The following LCORL variants were observed in gnomAD, a reference collection of about 807,000 sequenced individuals.
The protein encoded by LCORL is ligand-dependent nuclear receptor corepressor-like protein.
In LCORL, 41 loss-of-function variants were observed where a neutral mutation model predicts 141.8. The ratio of observed to expected loss-of-function variants is 0.29; its 90% CI spans 0.23 to 0.38. The LOEUF is 0.38. LCORL is among the 10% of genes least tolerant of loss of function. The pLI, the probability that LCORL is intolerant of heterozygous loss-of-function variation, is 1.00. For synonymous variants in LCORL, 618 were observed against 694.1 expected, an observed-to-expected ratio of 0.89 and a Z score of 1.72; for missense variants, 1,759 against 2,035.0, an observed-to-expected ratio of 0.86 and a Z score of 2.61.
At chr4:17,880,402 T>C in intron 6 of LCORL, 1 of 859,004 alleles carries the variant, frequency 1.2e-6, no homozygotes. Context: ...ATTTTTTTTG[T>C]AGATCCTTTG....
Position 17,842,299 on chromosome 4 carries a change from C to CTA in LCORL, c.*3587_*3588dup, listed in dbSNP as rs764707984. On this transcript the variant is annotated 3_prime_UTR_variant, in exon 8 of 8. Transcript: ENST00000635767. ...TAATAAATCCTGATAATGAATTATA[C>CTA]TATCTTCAAGGACAGAGAAAAGTGA... is the stretch of plus-strand genomic sequence containing the variant. The CTA allele has an allele frequency of 4.3e-6, 7 of 1,609,502 alleles. No homozygotes were observed. In the South Asian group the frequency reaches 6.6e-5, roughly 15 times the overall value.
intron 4 of LCORL, among the ~76,000 whole-genome samples, chr4:17,958,235 G>GA (rs914418247): frequency 6.6e-6 from 1 of 151,326 alleles, no homozygotes; most frequent in Non-Finnish European, 1.5e-5. Flanking sequence ...GGTCCTTCAG[G>GA]AAAAAAACAG....
intron 5 of LCORL, among the ~76,000 whole-genome samples, chr4:17,886,550 G>A (rs1344306893): frequency 6.6e-6 from 1 of 151,972 alleles, no homozygotes; most frequent in Non-Finnish European, 1.5e-5. Flanking sequence ...GTACAAAATG[G>A]AGAGAATAGA....
intron 1 of LCORL, among the ~76,000 whole-genome samples, chr4:17,990,660 T>TA (rs1234475789): frequency 6.6e-6 from 1 of 151,212 alleles, no homozygotes; most frequent in Admixed American, 6.6e-5. Context: ...TTTTTTTTTT[T>TA]AGAGAATTCT....
intron 1 of LCORL, among the ~76,000 whole-genome samples, chr4:18,019,437 G>A (rs1343629418): frequency 6.6e-6 from 1 of 152,068 alleles, no homozygotes; most frequent in African/African-American, 2.4e-5. Context: ...TAGAAGCCAG[G>A]GACAAAATTT....
rs1372233165 is a variant in LCORL at position 17,873,988 on chromosome 4, C to T, written c.5002G>A (p.Gly1668Ser). 69 of 1,234,118 alleles carry T rather than the reference C, an allele frequency of 5.6e-5. 1 individual carries two copies. In the East Asian group the frequency reaches 2.1e-3, roughly 38 times the overall value. The allele number at this position is 1,234,118 out of a possible 1,614,324, so 76.4% of individuals were successfully genotyped here. The stretch of plus-strand genomic sequence containing the variant: ...ATTACTACCCTCTGCTGCAAGTCAC[C>T]CCTGATCTCAGGTGGCAAAACACAC... Residue 1668 changes from glycine to serine, a missense_variant, in exon 7 of 8, where the codon GGT becomes AGT. Physicochemically the swap from Gly to Ser is moderately conservative, Grantham distance 56 (BLOSUM62 0). This residue lies in a region of LCORL where 313 missense variants were observed against 336.1 expected (regional missense o/e 0.93). Coordinates refer to ENST00000635767, the Ensembl canonical transcript of LCORL.
intron 5 of LCORL, among the ~76,000 whole-genome samples, chr4:17,904,997 C>T (rs973879153): frequency 2.6e-5 from 4 of 152,022 alleles, no homozygotes; most frequent in African/African-American, 4.8e-5. Flanking sequence ...TCTTCTTTTA[C>T]TTCCTTCAAT....
In LCORL at chr4:18,021,453, CCGCCG is replaced by C. The variant is rs915213784; in HGVS notation, c.154+140_154+144del. The stretch of plus-strand genomic sequence containing the variant: ...GCAAGACAAAAGGCGAGCGCCGGGG[CCGCCG>C]CGCCGCGCCGCTCCCATCTCGCTCC... On this transcript the variant is annotated intron_variant, in intron 1 of 7. Transcript: ENST00000635767. The surrounding 1 kb of genome is among the most constrained non-coding windows in gnomAD (Gnocchi z 5.5). 1.4e-5 allele frequency: 9 copies of C among 649,758 alleles called. No homozygotes were observed. Among genetic ancestry groups the C allele is most frequent in the African/African-American group, 7.7e-5 (4 of 51,710 alleles). The allele number at this position is 649,758 out of a possible 1,614,324, so 40.2% of individuals were successfully genotyped here.
At chr4:17,857,390 C>A (rs957634648) in intron 7 of LCORL, among the ~76,000 whole-genome samples, 3 of 152,104 alleles carry the variant, frequency 2.0e-5, no homozygotes, top group African/African-American at 7.2e-5. Context: ...ATGAAAAGAA[C>A]CAGGTAATAA....
At chr4:17,866,324 G>A (rs1725648044) in intron 7 of LCORL, among the ~76,000 whole-genome samples, 1 of 152,090 alleles carries the variant, frequency 6.6e-6, no homozygotes, top group Admixed American at 6.6e-5. Flanking sequence ...AATTCCTATA[G>A]CACCACATAC....
At chr4:17,940,410 T>C (rs773842429) in intron 4 of LCORL, among the ~76,000 whole-genome samples, 22 of 147,786 alleles carry the variant, frequency 1.5e-4, no homozygotes, top group Non-Finnish European at 2.7e-4. Flanking sequence ...AAACAAACTA[T>C]ATTAAAATAG....
At chr4:17,923,907 T>C (rs1368019910) in intron 4 of LCORL, among the ~76,000 whole-genome samples, 1 of 151,364 alleles carries the variant, frequency 6.6e-6, no homozygotes, top group Non-Finnish European at 1.5e-5. Context: ...CCAATCATGA[T>C]TCTTCCAAGT....
At chr4:17,846,751 C>T (rs977440737) in intron 7 of LCORL, among the ~76,000 whole-genome samples, 8 of 152,140 alleles carry the variant, frequency 5.3e-5, no homozygotes, top group Non-Finnish European at 8.8e-5. Context: ...CCTAAATGTT[C>T]CCACATAGGG....
chr4:17,973,772 A>G (rs989894292), intron 1 of LCORL, among the ~76,000 whole-genome samples: 4 of 152,006 alleles, frequency 2.6e-5, no homozygotes, highest in Non-Finnish European at 2.9e-5. Flanking sequence ...GAAATATTTC[A>G]TAAGTTATAA....
intron 5 of LCORL, among the ~76,000 whole-genome samples, chr4:17,907,544 A>G (rs1314343832): frequency 6.6e-6 from 1 of 152,184 alleles, no homozygotes; most frequent in Non-Finnish European, 1.5e-5. Context: ...AGGCATGGAA[A>G]AGCAAATAAA....
intron 4 of LCORL, among the ~76,000 whole-genome samples, chr4:17,929,381 C>T (rs1266695359): frequency 6.6e-6 from 1 of 152,058 alleles, no homozygotes; most frequent in Non-Finnish European, 1.5e-5. Flanking sequence ...TCAAAGCTTA[C>T]TATAAATACA....
chr4:18,012,774 T>A (rs548035866), intron 1 of LCORL, among the ~76,000 whole-genome samples: 7 of 152,180 alleles, frequency 4.6e-5, no homozygotes, highest in Admixed American at 3.9e-4. Context: ...TTTGTTACTA[T>A]CAGCTCTCAG....
intron 1 of LCORL, among the ~76,000 whole-genome samples, chr4:18,000,135 T>C (rs1284713552): frequency 6.6e-6 from 1 of 151,450 alleles, no homozygotes; most frequent in African/African-American, 2.4e-5. Flanking sequence ...TCTTTTTTTT[T>C]TTTTTTTGCA....
intron 4 of LCORL, among the ~76,000 whole-genome samples, chr4:17,935,995 G>A (rs1736790344): frequency 1.3e-5 from 2 of 152,208 alleles, no homozygotes; most frequent in South Asian, 4.1e-4. Flanking sequence ...GAATTCTCCA[G>A]AAATAAATAA....
Sources: allele counts gnomAD v4.1 joint callset (sites outside exome capture counted in the v4.1 genomes callset), GRCh38; gene constraint gnomAD v4.1.1; regional missense constraint gnomAD v4.1.1; non-coding constraint Gnocchi (gnomAD v3.1); transcripts MANE v1.5; gene names NCBI Gene and HGNC (gene_info 2026-07-23, HGNC 2026-07-21).